The following RYK variants were observed in gnomAD, a reference collection of about 807,000 sequenced individuals.
RYK encodes the protein receptor like tyrosine kinase.
A neutral mutation model predicts 70.2 loss-of-function variants in RYK; 21 were observed. The ratio of observed to expected loss-of-function variants is 0.30; its 90% confidence interval spans 0.21 to 0.43. The LOEUF (loss-of-function observed/expected upper bound fraction) is 0.43. RYK is among the 20% of genes least tolerant of loss of function. The pLI is 1.00. For synonymous variants in RYK, 267 were observed against 278.0 expected (o/e 0.96, Z 0.39); for missense variants, 604 against 753.3 (o/e 0.80, Z 2.32).
chr3:134,250,380 G>A (rs1198439874), intron 1 of RYK, 43 bp downstream of exon 1: 54 of 1,284,076 alleles, frequency 4.2e-5, no homozygotes, highest in Non-Finnish European at 5.2e-5. Context: ...AGCTGCCCCA[G>A]CCGGCCCGAC....
intron 7 of RYK, among the ~76,000 whole-genome samples, chr3:134,192,500 A>G (rs1480622273): frequency 6.7e-6 from 1 of 149,974 alleles, no homozygotes; most frequent in Non-Finnish European, 1.5e-5. Context: ...AACAAAATAC[A>G]TAATCAATGT....
At chr3:134,218,044 T>C (rs1056749932) in intron 2 of RYK, among the ~76,000 whole-genome samples, 19 of 152,200 alleles carry the variant, frequency 1.2e-4, no homozygotes, top group Non-Finnish European at 4.4e-5. Context: ...TTATACCTGT[T>C]ACAGATGAAC....
At chr3:134,188,802 A>G in intron 9 of RYK, 35 bp downstream of exon 9, 1 of 1,282,648 alleles carries the variant, frequency 7.8e-7, no homozygotes, top group Non-Finnish European at 1.1e-6. Context: ...GAGACAGAAG[A>G]GCATCATGGA....
At chr3:134,222,561 ATAAT>A (rs763540805) in intron 1 of RYK, 22 bp from the exon 2 acceptor site, 6 of 1,514,420 alleles carry the variant, frequency 4.0e-6, no homozygotes, top group South Asian at 2.4e-5. Context: ...TAGGAAAAAA[ATAAT>A]TAAACACTTA....
chr3:134,203,942 T>G (rs142499169), intron 5 of RYK, among the ~76,000 whole-genome samples: 11 of 152,340 alleles, frequency 7.2e-5, no homozygotes, highest in African/African-American at 2.6e-4. Context: ...AAGCCACATG[T>G]GGCTAGCAGT....
chr3:134,190,048 T>C lies in RYK; in HGVS notation c.1016-1125A>G, dbSNP rs551108901. Among the ~76,000 whole-genome samples the C allele has an allele frequency of 2.6e-5, 4 of 152,328 alleles. No individual in the cohort carries two copies. In the East Asian group the frequency reaches 5.8e-4, roughly 22 times the overall value. Reference sequence around the variant, plus strand: ...GCTTGCTCTAATGCCTTCCACTCTATGAGGTGGAGTTGTTGGTATCCATGT... The same window carrying C: ...GCTTGCTCTAATGCCTTCCACTCTACGAGGTGGAGTTGTTGGTATCCATGT... On this transcript the variant is annotated intron_variant, in intron 8 of 14. Transcript: ENST00000623711.
intron 13 of RYK, among the ~76,000 whole-genome samples, chr3:134,162,029 T>TGG (rs1306429947): frequency 6.6e-6 from 1 of 152,172 alleles, no homozygotes; most frequent in African/African-American, 2.4e-5. Flanking sequence ...CGGAAGCCCC[T>TGG]GGTGTGTCTT....
intron 2 of RYK, among the ~76,000 whole-genome samples, chr3:134,215,227 T>TA (rs75966294): frequency 0.091 from 13,881 of 152,116 alleles, 1,302 homozygotes; most frequent in South Asian, 0.32. Context: ...TAACTGCAGT[T>TA]AAAAAAGCAG....
At chr3:134,173,523 A>G (rs1004136430) in intron 13 of RYK, among the ~76,000 whole-genome samples, 4 of 152,206 alleles carry the variant, frequency 2.6e-5, no homozygotes, top group Non-Finnish European at 5.9e-5. Flanking sequence ...AAGAAGAAGC[A>G]GGCACCTTCC....
At chr3:134,249,842 CCAAA>C (rs2015560906) in intron 1 of RYK, among the ~76,000 whole-genome samples, 1 of 151,286 alleles carries the variant, frequency 6.6e-6, no homozygotes, top group Non-Finnish European at 1.5e-5. Context: ...AGCATATGCT[CCAAA>C]TCTACGTCCC....
chr3:134,158,086 T>A lies in RYK; in HGVS notation c.*67A>T. On this transcript the variant is annotated 3_prime_UTR_variant, in exon 15 of 15. Coordinates refer to ENST00000623711, the MANE Select transcript of RYK (RefSeq NM_002958.4). Reference sequence around the variant, plus strand: ...TTGGCGTTGTGTTAGATACAAAGCATCCCTGACAGGCTTCAAGTGAGCCCC... The same window carrying A: ...TTGGCGTTGTGTTAGATACAAAGCAACCCTGACAGGCTTCAAGTGAGCCCC... 1 of 787,802 alleles carries A rather than the reference T, an allele frequency of 1.3e-6. No homozygotes were observed. The highest frequency in any genetic ancestry group is 3.1e-5 in the East Asian group (1 of 31,872). The allele number at this position is 787,802 out of a possible 1,614,324, so 48.8% of individuals were successfully genotyped here. A position where few individuals can be genotyped will look rare whatever the true frequency, so the allele number is the denominator to read the frequency against.
At chr3:134,221,196 C>CTT (rs71139519) in intron 2 of RYK, among the ~76,000 whole-genome samples, 6,642 of 78,598 alleles carry the variant, frequency 0.085, 1,188 homozygotes, top group African/African-American at 0.14. Flanking sequence ...AGTTCTTTTT[C>CTT]TTTTTTTTTT....
intron 1 of RYK, among the ~76,000 whole-genome samples, chr3:134,229,266 C>T (rs565267508): frequency 1.2e-4 from 18 of 151,532 alleles, no homozygotes; most frequent in Non-Finnish European, 1.2e-4. Context: ...TTCTTCTTCC[C>T]CCTCCGCCTC....
At chr3:134,185,120 TG>T in intron 9 of RYK, among the ~76,000 whole-genome samples, 2 of 148,188 alleles carry the variant, frequency 1.3e-5, no homozygotes, top group East Asian at 3.9e-4. Flanking sequence ...GGTGACAGAG[TG>T]AGACCCCATC....
intron 1 of RYK, among the ~76,000 whole-genome samples, chr3:134,227,543 GA>G (rs1032481071): frequency 2.3e-4 from 33 of 144,252 alleles, no homozygotes; most frequent in East Asian, 8.0e-4. Flanking sequence ...AATATACAGA[GA>G]AAAAAAAAAC....
chr3:134,246,326 AC>A (rs2015464835), intron 1 of RYK, among the ~76,000 whole-genome samples: 1 of 147,652 alleles, frequency 6.8e-6, no homozygotes, highest in Non-Finnish European at 1.5e-5. Context: ...ACACACACAC[AC>A]ACACACACAC....
At chr3:134,190,411 G>GAACATACACAAAATATACACAAA (rs1256206008) in intron 8 of RYK, among the ~76,000 whole-genome samples, 18 of 151,950 alleles carry the variant, frequency 1.2e-4, no homozygotes, top group African/African-American at 2.2e-4. Flanking sequence ...TGGAAGTAAG[G>GAACATACACAAAATATACACAAA]AACATACACA....
intron 1 of RYK, among the ~76,000 whole-genome samples, chr3:134,239,109 G>A (rs756337900): frequency 5.3e-5 from 8 of 152,158 alleles, no homozygotes; most frequent in East Asian, 1.9e-4. Context: ...CATGGGAGGC[G>A]CCTTACCCAG....
At chr3:134,179,679 G>C (rs1171804679) in intron 10 of RYK, 1 of 152,194 alleles carries the variant, frequency 6.6e-6, no homozygotes, top group East Asian at 1.9e-4. Context: ...AGATTACAGA[G>C]CTTCCTTTCC....
Sources: allele counts gnomAD v4.1 joint callset (sites outside exome capture counted in the v4.1 genomes callset), GRCh38; gene constraint gnomAD v4.1.1; transcripts MANE v1.5; gene names NCBI Gene and HGNC (gene_info 2026-07-23, HGNC 2026-07-21).